The following ENPP1 variants were observed in gnomAD, a reference collection of about 807,000 sequenced individuals.
The protein encoded by ENPP1 is ectonucleotide pyrophosphatase/phosphodiesterase family member 1.
Under a neutral mutation model 122.8 loss-of-function variants are expected in ENPP1, and 73 were observed. The observed-to-expected ratio is 0.59, with a 90% confidence interval of 0.49 to 0.72. The LOEUF (loss-of-function observed/expected upper bound fraction) is 0.72. Ranked by LOEUF, ENPP1 falls within the 30% of genes least tolerant of loss-of-function variation. The pLI is 0.00. For synonymous variants in ENPP1, 367 were observed against 391.6 expected (o/e 0.94, Z 0.74); for missense variants, 978 against 1,128.1 (o/e 0.87, Z 1.91).
chr6:131,877,036 A>G lies in ENPP1; in HGVS notation c.1768A>G (p.Ser590Gly). 1 of 1,614,142 alleles carries G rather than the reference A, an allele frequency of 6.2e-7. No individual in the cohort carries two copies. Among genetic ancestry groups the G allele is most frequent in the Non-Finnish European group, 8.5e-7 (1 of 1,179,986 alleles). The change falls in exon 18 of 25, where the codon AGT (serine) becomes GGT (glycine). Residue 590 changes from serine to glycine, a missense_variant. Coordinates refer to ENST00000647893, the MANE Select transcript of ENPP1 (RefSeq NM_006208.3). ...TPAPNNGTHGSLNHLLKNPVY... is the reference protein window; with the variant it reads ...TPAPNNGTHGGLNHLLKNPVY... ...GGCTCCTAATAACGGAACTCATGGA[A>G]GTCTTAACCACCTTCTAAAGAATCC...
chr6:131,831,114 C>CAAAAAAAAAAAAAA (rs3036850), intron 1 of ENPP1, among the ~76,000 whole-genome samples: 6 of 60,000 alleles, frequency 1.0e-4, no homozygotes, highest in African/African-American at 2.6e-4. Context: ...GCCCATCTCT[C>CAAAAAAAAAAAAAA]AAAAAAAAAA....
In ENPP1 at chr6:131,849,481, T is replaced by A. The variant is rs1781854083; in HGVS notation, c.314-509T>A. 2.0e-5 allele frequency among the ~76,000 whole-genome samples: 3 copies of A among 152,158 alleles called. No homozygotes were observed. In the South Asian group the frequency reaches 6.2e-4, roughly 32 times the overall value. On this transcript the variant is annotated intron_variant, in intron 2 of 24. Coordinates refer to ENST00000647893, the MANE Select transcript of ENPP1 (RefSeq NM_006208.3). The stretch of plus-strand genomic sequence containing the variant: ...GGGAAGAGCTATGCCAGGGAGCATG[T>A]TCTGAACAAACCCACTACTTCTTTA...
At chr6:131,889,688 C>T (rs1374686282) in intron 24 of ENPP1, among the ~76,000 whole-genome samples, 1 of 152,146 alleles carries the variant, frequency 6.6e-6, no homozygotes, top group African/African-American at 2.4e-5. Context: ...TCCAGTCTAT[C>T]ATTGTTGGGC....
At chr6:131,854,855 G>C (rs1014966696) in intron 5 of ENPP1, 71 bp from the exon 6 acceptor site, 11 of 1,034,924 alleles carry the variant, frequency 1.1e-5, no homozygotes, top group Admixed American at 3.4e-5. Flanking sequence ...TGCCAAGAAG[G>C]GGGTACATCT....
chr6:131,856,335 T>C (rs1435497370), intron 6 of ENPP1, among the ~76,000 whole-genome samples: 1 of 151,000 alleles, frequency 6.6e-6, no homozygotes, highest in Non-Finnish European at 1.5e-5. Flanking sequence ...TTGATGGGGT[T>C]GTTTGTTTTT....
intron 10 of ENPP1, 99 bp from the exon 11 acceptor site, chr6:131,864,767 T>A: frequency 1.1e-6 from 1 of 872,424 alleles, no homozygotes; most frequent in Non-Finnish European, 2.0e-6. Context: ...GTTACACCAG[T>A]GTTATAAAAT....
In ENPP1 at chr6:131,885,045, C is replaced by G; in HGVS notation, c.2426C>G (p.Ser809Cys). The G allele has an allele frequency of 1.2e-6, 2 of 1,613,884 alleles. No homozygotes were observed. Among genetic ancestry groups the G allele is most frequent in the Non-Finnish European group, 1.7e-6 (2 of 1,179,906 alleles). Reference sequence around the variant, plus strand: ...TTTGATTATGATGGACGTTGTGATTCCTTAGAGAATCTGAGGCAGTAAGAA... The same window carrying G: ...TTTGATTATGATGGACGTTGTGATTGCTTAGAGAATCTGAGGCAGTAAGAA... ...FDFDYDGRCD[S>C]LENLRQKRRV... Residue 809 changes from serine (S) to cysteine (C), a missense_variant, in exon 23 of 25, where the codon TCC (serine) becomes TGC (cysteine). By Grantham distance (112) the Ser-to-Cys change is moderately radical. Coordinates refer to ENST00000647893, the MANE Select transcript of ENPP1 (RefSeq NM_006208.3).
chr6:131,890,283 T>C (rs977378734), intron 24 of ENPP1, 58 bp from the exon 25 acceptor site: 16 of 1,371,676 alleles, frequency 1.2e-5, no homozygotes, highest in South Asian at 7.0e-5. Flanking sequence ...GGAGCACTTA[T>C]AGAAGTGAAC....
At chr6:131,826,299 G>A (rs895850257) in intron 1 of ENPP1, 5 of 1,359,824 alleles carry the variant, frequency 3.7e-6, no homozygotes, top group African/African-American at 1.4e-5. Flanking sequence ...TCAGATACTG[G>A]ATTTCTTCTG....
Position 131,808,152 on chromosome 6 carries a change from G to A in ENPP1, c.117G>A (p.Ala39=). The change falls in exon 1 of 25, where the codon GCG becomes GCA. Residue 39 remains alanine (A), a synonymous_variant. Coordinates refer to ENST00000647893, the MANE Select transcript of ENPP1 (RefSeq NM_006208.3). ...RDRGRSHAAE[A]PGDPQAAASL... ...GGGGCCGCAGCCACGCTGCCGAGGCGCCCGGGGACCCGCAGGCGGCCGCGT... is the reference window on the plus strand; with the variant it reads ...GGGGCCGCAGCCACGCTGCCGAGGCACCCGGGGACCCGCAGGCGGCCGCGT... The A allele has an allele frequency of 6.9e-7, 1 of 1,442,738 alleles. No homozygotes were observed. Among genetic ancestry groups the A allele is most frequent in the South Asian group, 1.4e-5 (1 of 71,480 alleles). The allele number at this position is 1,442,738 out of a possible 1,614,324, so 89.4% of individuals were successfully genotyped here. A position where few individuals can be genotyped will look rare whatever the true frequency, so the allele number is the denominator to read the frequency against.
intron 1 of ENPP1, among the ~76,000 whole-genome samples, chr6:131,816,539 A>G (rs1781416966): frequency 6.6e-6 from 1 of 152,246 alleles, no homozygotes; most frequent in African/African-American, 2.4e-5. Flanking sequence ...GCATTTACCA[A>G]GGAAAGACAA....
chr6:131,886,776 A>C (rs778049597), intron 24 of ENPP1, 52 bp downstream of exon 24: 29 of 1,502,396 alleles, frequency 1.9e-5, no homozygotes, highest in Non-Finnish European at 2.7e-5. Context: ...AGACATATGC[A>C]TATTTGTTTA....
intron 5 of ENPP1, among the ~76,000 whole-genome samples, chr6:131,854,163 G>A: frequency 6.6e-6 from 1 of 152,106 alleles, no homozygotes. Context: ...CTAACACTTT[G>A]GGAGGCCGAG....
At chr6:131,847,008 T>C (rs1314826317) in intron 1 of ENPP1, among the ~76,000 whole-genome samples, 3 of 152,200 alleles carry the variant, frequency 2.0e-5, no homozygotes, top group African/African-American at 4.8e-5. Flanking sequence ...TTAAATTTTA[T>C]AGATGAATAA....
In ENPP1 at chr6:131,876,982, AAT is replaced by A; in HGVS notation, c.1724-9_1724-8del. ...CATCTAAGTAACTCTACCATCTTGA[AAT>A]TATGCAGATTTACTGAATTTGACAC... is the stretch of plus-strand genomic sequence containing the variant. On this transcript the variant is annotated splice_region_variant and splice_polypyrimidine_tract_variant and intron_variant, in intron 17 of 24. Coordinates refer to ENST00000647893, the MANE Select transcript of ENPP1 (RefSeq NM_006208.3). 1 of 1,613,512 alleles carries A rather than the reference AAT, an allele frequency of 6.2e-7. No homozygotes were observed. Among genetic ancestry groups the A allele is most frequent in the South Asian group, 1.1e-5 (1 of 91,060 alleles).
intron 24 of ENPP1, among the ~76,000 whole-genome samples, chr6:131,887,824 C>T (rs546777110): frequency 6.7e-6 from 1 of 148,160 alleles, no homozygotes; most frequent in African/African-American, 2.5e-5. Context: ...CTTGTCCTTC[C>T]AAAATGCTGG....
chr6:131,869,440 A>T lies in ENPP1; in HGVS notation c.1356A>T (p.Gly452=), dbSNP rs764273662. The change falls in exon 13 of 25, where the codon GGA becomes GGT. Residue 452 remains glycine (G), a synonymous_variant. Transcript: ENST00000647893. ...GDVKNIKVIY[G]PAARLRPSDV... ...TTAAAAATATTAAAGTTATCTATGG[A>T]CCTGCAGCTCGATTGAGACCCTCTG... is the stretch of plus-strand genomic sequence containing the variant. 6.2e-7 allele frequency: 1 copy of T among 1,613,058 alleles called. No individual in the cohort carries two copies. Among genetic ancestry groups the T allele is most frequent in the South Asian group, 1.1e-5 (1 of 91,046 alleles).
chr6:131,882,879 A>C (rs1025299936), intron 21 of ENPP1, among the ~76,000 whole-genome samples: 1 of 151,872 alleles, frequency 6.6e-6, no homozygotes, highest in African/African-American at 2.4e-5. Context: ...GTGAAGGTGG[A>C]ATATATATAT....
chr6:131,826,451 T>C, intron 1 of ENPP1: 4 of 942,100 alleles, frequency 4.2e-6, no homozygotes, highest in Non-Finnish European at 6.8e-6. Context: ...TATCCAGGAA[T>C]GTAAGTAATG....
Sources: allele counts gnomAD v4.1 joint callset (sites outside exome capture counted in the v4.1 genomes callset), GRCh38; gene constraint gnomAD v4.1.1; transcripts MANE v1.5; gene names NCBI Gene and HGNC (gene_info 2026-07-23, HGNC 2026-07-21).